Variants in GMEB1 observed in about 807,000 individuals in gnomAD.
GMEB1 encodes the protein glucocorticoid modulatory element binding protein 1, also known as glucocorticoid modulatory element-binding protein 1.
Under a neutral mutation model 52.4 loss-of-function variants are expected in GMEB1, and 6 were observed. The observed-to-expected ratio is 0.11, with a 90% CI of 0.06 to 0.23. The LOEUF (loss-of-function observed/expected upper bound fraction) is 0.23. GMEB1 is among the 10% of genes least tolerant of loss of function. The pLI, the probability that GMEB1 is intolerant of heterozygous loss-of-function variation, is 1.00. For synonymous variants in GMEB1, 255 were observed against 244.9 expected (o/e 1.04, Z -0.38); for missense variants, 486 against 685.6 (o/e 0.71, Z 3.25).
chr1:28,705,511 G>A (rs954629073), intron 8 of GMEB1, among the ~76,000 whole-genome samples: 33 of 147,478 alleles, frequency 2.2e-4, no homozygotes, highest in Admixed American at 5.5e-4. Flanking sequence ...GTGCAGTGGC[G>A]TGATCTCAGC....
At chr1:28,681,117 AG>A (rs1392040766) in intron 1 of GMEB1, among the ~76,000 whole-genome samples, 3 of 152,168 alleles carry the variant, frequency 2.0e-5, no homozygotes, top group African/African-American at 7.2e-5. Flanking sequence ...AAGCCAACAA[AG>A]TGAGATGATG....
intron 5 of GMEB1, among the ~76,000 whole-genome samples, chr1:28,695,734 C>G (rs1343699474): frequency 6.8e-6 from 1 of 146,804 alleles, no homozygotes; most frequent in African/African-American, 2.5e-5. Context: ...GTCAGGAGAT[C>G]GAGACCATCC....
At position 28,697,162 on chromosome 1, in the gene GMEB1, CATATATATATATATATATATATATAT is replaced by C. The variant is rs71586855; in HGVS notation, c.598+91_598+116del. Reference sequence around the variant, plus strand: ...CCCCCTTATTTCTCCCTTGTGTGTACATATATATATATATATATATATATATATATATATATATGTATTTTTTTATT... The same window carrying C: ...CCCCCTTATTTCTCCCTTGTGTGTACATATATATATATGTATTTTTTTATT... On this transcript the variant is annotated intron_variant, in intron 6 of 9. Transcript: ENST00000373816. 1,118 of 149,076 alleles carry C rather than the reference CATATATATATATATATATATATATAT, an allele frequency of 7.5e-3. 241 individuals carry two copies. Among genetic ancestry groups the C allele is most frequent in the Non-Finnish European group, 0.01 (852 of 84,584 alleles). 9.2% of individuals were successfully genotyped at this position (149,076 alleles called of 1,614,324 possible).
intron 5 of GMEB1, among the ~76,000 whole-genome samples, chr1:28,696,364 G>A (rs1395740837): frequency 6.6e-6 from 1 of 152,090 alleles, no homozygotes; most frequent in Non-Finnish European, 1.5e-5. Flanking sequence ...ACTGCACCTG[G>A]CTGAGGAATA....
At chr1:28,670,278 G>C (rs1256956678) in intron 1 of GMEB1, among the ~76,000 whole-genome samples, 2 of 152,038 alleles carry the variant, frequency 1.3e-5, no homozygotes, top group Non-Finnish European at 2.9e-5. Context: ...TCAGCCTCCC[G>C]AGTAGCTGGG....
At chr1:28,699,305 A>G (rs1293229473) in intron 6 of GMEB1, among the ~76,000 whole-genome samples, 1 of 152,164 alleles carries the variant, frequency 6.6e-6, no homozygotes, top group Non-Finnish European at 1.5e-5. Flanking sequence ...CCAGCTGGAG[A>G]CTTACTATAT....
At chr1:28,699,903 C>T (rs1283069388) in intron 6 of GMEB1, among the ~76,000 whole-genome samples, 1 of 150,822 alleles carries the variant, frequency 6.6e-6, no homozygotes, top group East Asian at 2.0e-4. Context: ...GTCGAAAACC[C>T]ATCTCTACAA....
rs543122910 is a variant in GMEB1 at position 28,702,443 on chromosome 1, A to G, written c.604A>G (p.Ile202Val). The G allele has an allele frequency of 8.7e-6, 14 of 1,613,578 alleles. No homozygotes were observed. In the African/African-American group the frequency reaches 1.7e-4, roughly 20 times the overall value. Reference sequence around the variant, plus strand: ...CTCTACTGGACTGTTTTTAGGTAGCATCACGCAGATTGCCATCTCAGAAGA... The same window carrying G: ...CTCTACTGGACTGTTTTTAGGTAGCGTCACGCAGATTGCCATCTCAGAAGA... ...VQTPTSADGS[I>V]TQIAISEESM... The change falls in exon 7 of 10, where the codon ATC becomes GTC. Residue 202 changes from isoleucine to valine, a missense_variant. Transcript: ENST00000373816.
At chr1:28,679,092 G>T (rs952091989) in intron 1 of GMEB1, among the ~76,000 whole-genome samples, 3 of 151,556 alleles carry the variant, frequency 2.0e-5, no homozygotes, top group Non-Finnish European at 4.4e-5. Context: ...CACCATGTTG[G>T]TCAGGATGGT....
chr1:28,700,145 G>A (rs1217984522), intron 6 of GMEB1, among the ~76,000 whole-genome samples: 5 of 151,456 alleles, frequency 3.3e-5, no homozygotes, highest in Non-Finnish European at 5.9e-5. Flanking sequence ...TGAGGCAGGC[G>A]GATCATGAGG....
intron 2 of GMEB1, among the ~76,000 whole-genome samples, chr1:28,684,994 C>G (rs975256351): frequency 1.3e-5 from 2 of 152,044 alleles, no homozygotes; most frequent in African/African-American, 2.4e-5. Flanking sequence ...AGATAGGGGT[C>G]TTGCTTTGTT....
intron 8 of GMEB1, among the ~76,000 whole-genome samples, chr1:28,710,297 G>A (rs1028307271): frequency 6.6e-6 from 1 of 152,140 alleles, no homozygotes; most frequent in Non-Finnish European, 1.5e-5. Flanking sequence ...GTGCCACCAT[G>A]CCCAGCCTGA....
At chr1:28,705,445 C>CTTT (rs34597945) in intron 8 of GMEB1, among the ~76,000 whole-genome samples, 74 of 123,092 alleles carry the variant, frequency 6.0e-4, no homozygotes, top group African/African-American at 2.1e-3. Context: ...TATGTATTTT[C>CTTT]TTTTTTTTTT....
chr1:28,674,273 G>A (rs1669038612), intron 1 of GMEB1, among the ~76,000 whole-genome samples: 1 of 152,016 alleles, frequency 6.6e-6, no homozygotes, highest in Non-Finnish European at 1.5e-5. Flanking sequence ...CCCAAGGTCG[G>A]GGCTGCAGTG....
At chr1:28,669,506 A>C (rs1172504083) in intron 1 of GMEB1, among the ~76,000 whole-genome samples, 6 of 152,044 alleles carry the variant, frequency 3.9e-5, no homozygotes, top group Admixed American at 6.6e-5. Context: ...GGCGCGGTAG[A>C]GGCCTCGGCC....
intron 1 of GMEB1, 108 bp downstream of exon 1, chr1:28,668,947 C>CG (rs960887934): frequency 7.4e-6 from 1 of 136,018 alleles, no homozygotes; most frequent in Non-Finnish European, 1.6e-5. Flanking sequence ...GCGCAGGGGG[C>CG]GGGGGGCTGC....
intron 8 of GMEB1, among the ~76,000 whole-genome samples, chr1:28,706,720 A>C (rs1670787723): frequency 6.6e-6 from 1 of 151,720 alleles, no homozygotes; most frequent in African/African-American, 2.4e-5. Context: ...GCTGGAGTGC[A>C]GTGGCGTGAT....
At chr1:28,686,814 T>C (rs1240335883) in intron 2 of GMEB1, among the ~76,000 whole-genome samples, 1 of 151,988 alleles carries the variant, frequency 6.6e-6, no homozygotes, top group African/African-American at 2.4e-5. Context: ...TTCCAGTCAG[T>C]CAACTACATG....
Position 28,690,200 on chromosome 1 carries a change from T to TGG in GMEB1, c.211+15_211+16insGG. 8.8e-7 allele frequency: 1 copy of TGG among 1,131,116 alleles called. No individual in the cohort carries two copies. The highest frequency in any genetic ancestry group is 1.3e-6 in the Non-Finnish European group (1 of 796,482). 70.1% of individuals were successfully genotyped at this position (1,131,116 alleles called of 1,614,324 possible). A position where few individuals can be genotyped will look rare whatever the true frequency, so the allele number is the denominator to read the frequency against. On this transcript the variant is annotated intron_variant, in intron 3 of 9. Coordinates refer to ENST00000373816, the MANE Select transcript of GMEB1 (RefSeq NM_001319674.2). ...AAGAAGGGATTGGTAAGGGTTTTTTTGTGTTTTTTTTTTTTTTTTTTTTTG... is the reference window on the plus strand; with the variant it reads ...AAGAAGGGATTGGTAAGGGTTTTTTTGGGTGTTTTTTTTTTTTTTTTTTTTTG...
Sources: allele counts gnomAD v4.1 joint callset (sites outside exome capture counted in the v4.1 genomes callset), GRCh38; gene constraint gnomAD v4.1.1; transcripts MANE v1.5; gene names NCBI Gene and HGNC (gene_info 2026-07-23, HGNC 2026-07-21).